Variants in TMEM181 observed in about 807,000 individuals in gnomAD.
TMEM181 encodes transmembrane protein 181, also known as G protein-coupled receptor 178.
A neutral mutation model predicts 71.9 loss-of-function variants in TMEM181; 39 were observed. The observed-to-expected ratio is 0.54, with a 90% CI of 0.42 to 0.71. The LOEUF is 0.71. TMEM181 is among the 30% of genes least tolerant of loss of function. The pLI, the probability that TMEM181 is intolerant of heterozygous loss-of-function variation, is 0.00. For missense variants in TMEM181, 595 were observed against 583.0 expected (o/e 1.02, Z -0.21); for synonymous variants, 245 against 228.8 (o/e 1.07, Z -0.64).
chr6:158,550,980 T>TA (rs34777731), intron 1 of TMEM181, among the ~76,000 whole-genome samples: 1 of 150,646 alleles, frequency 6.6e-6, no homozygotes, highest in Non-Finnish European at 1.5e-5. Flanking sequence ...TTTTTTTTTT[T>TA]AGACAGAGTT....
intron 1 of TMEM181, among the ~76,000 whole-genome samples, chr6:158,545,730 G>GAGTGC: frequency 6.6e-6 from 1 of 152,048 alleles, no homozygotes; most frequent in Admixed American, 6.6e-5. Flanking sequence ...GCCCAGGTTG[G>GAGTGC]AGTGCAGTGG....
intron 1 of TMEM181, among the ~76,000 whole-genome samples, chr6:158,570,256 G>A (rs1374011051): frequency 1.4e-5 from 2 of 146,006 alleles, no homozygotes; most frequent in Non-Finnish European, 3.0e-5. Context: ...TTTTTGAGAT[G>A]GAGTCTTGCT....
intron 6 of TMEM181, among the ~76,000 whole-genome samples, chr6:158,599,442 T>C (rs566827157): frequency 6.6e-6 from 1 of 152,396 alleles, no homozygotes; most frequent in South Asian, 2.1e-4. Flanking sequence ...GAGTGCCGAA[T>C]GACAGTGCTT....
At chr6:158,561,916 A>G (rs924642692) in intron 1 of TMEM181, among the ~76,000 whole-genome samples, 3 of 152,150 alleles carry the variant, frequency 2.0e-5, no homozygotes, top group African/African-American at 4.8e-5. Context: ...AAATCCTCCT[A>G]AAAAACAAGC....
intron 7 of TMEM181, 103 bp from the exon 8 acceptor site, chr6:158,607,141 C>A: frequency 1.1e-6 from 1 of 901,106 alleles, no homozygotes; most frequent in Non-Finnish European, 1.8e-6. Flanking sequence ...GCACCTAGAC[C>A]ATTGATTAGA....
At position 158,608,352 on chromosome 6, in the gene TMEM181, C is replaced by T. The variant is rs1368436603; in HGVS notation, c.693C>T (p.Ser231=). ...LLYNDPFFPL[S]FLVNSWLPGM... ...TTCCAGATCCGTTCTTCCCCCTCTC[C>T]TTCCTGGTCAACAGCTGGCTCCCAG... The change falls in exon 9 of 17, where the codon TCC becomes TCT. Residue 231 remains serine, a synonymous_variant. Coordinates refer to ENST00000684151, the MANE Select transcript of TMEM181 (RefSeq NM_001376852.1). 3.1e-6 allele frequency: 5 copies of T among 1,614,248 alleles called. No individual in the cohort carries two copies. The highest frequency in any genetic ancestry group is 1.1e-5 in the South Asian group (1 of 91,088).
intron 3 of TMEM181, among the ~76,000 whole-genome samples, chr6:158,583,524 G>A (rs900200017): frequency 1.3e-5 from 2 of 152,114 alleles, no homozygotes; most frequent in African/African-American, 2.4e-5. Context: ...CCTCATGGCC[G>A]GGCGCAGTGG....
upstream of TMEM181, among the ~76,000 whole-genome samples, chr6:158,557,219 A>G (rs1240836358): frequency 6.6e-6 from 1 of 152,160 alleles, no homozygotes; most frequent in African/African-American, 2.4e-5. Flanking sequence ...TACAAAAAAT[A>G]CAAAATTAGC....
At chr6:158,585,217 C>G (rs1783698401) in intron 4 of TMEM181, 87 bp from the exon 5 acceptor site, 2 of 1,431,530 alleles carry the variant, frequency 1.4e-6, no homozygotes, top group Admixed American at 2.6e-5. Flanking sequence ...TTTCCTGGCT[C>G]CAAGGTCATT....
chr6:158,631,577 C>T (rs1786667212), intron 16 of TMEM181, among the ~76,000 whole-genome samples, 188 bp downstream of exon 16: 1 of 152,180 alleles, frequency 6.6e-6, no homozygotes, highest in Non-Finnish European at 1.5e-5. Context: ...GTCCTTTCTG[C>T]TGGCTACCTG....
chr6:158,588,890 A>AG (rs1374535189), intron 5 of TMEM181, among the ~76,000 whole-genome samples: 1 of 152,354 alleles, frequency 6.6e-6, no homozygotes, highest in African/African-American at 2.4e-5. Context: ...GGGCAGCAGC[A>AG]GGATGGTGGA....
At chr6:158,580,078 C>T (rs1783387810) in intron 2 of TMEM181, among the ~76,000 whole-genome samples, 5 of 152,162 alleles carry the variant, frequency 3.3e-5, no homozygotes, top group Admixed American at 3.3e-4. Context: ...CGCCTGTAAT[C>T]CCGGCACTTT....
intron 1 of TMEM181, among the ~76,000 whole-genome samples, chr6:158,570,917 T>C (rs1037728785): frequency 2.0e-5 from 3 of 150,054 alleles, no homozygotes; most frequent in South Asian, 2.1e-4. Flanking sequence ...GTTTGTTAGG[T>C]TGGTTTTTTT....
At chr6:158,593,335 C>T (rs1214948203) in intron 6 of TMEM181, among the ~76,000 whole-genome samples, 3 of 152,126 alleles carry the variant, frequency 2.0e-5, no homozygotes, top group East Asian at 3.8e-4. Context: ...GAAAACTAGA[C>T]GTCTAGAAGG....
chr6:158,549,143 G>A (rs1259562224), intron 1 of TMEM181, among the ~76,000 whole-genome samples: 3 of 138,628 alleles, frequency 2.2e-5, no homozygotes, highest in East Asian at 4.3e-4. Flanking sequence ...TTTGAGACAG[G>A]GTCTCTCTCT....
chr6:158,536,833 C>T (rs1234570131), exon 1 of TMEM181: 6 of 1,540,422 alleles, frequency 3.9e-6, no homozygotes, highest in South Asian at 1.2e-5. Context: ...TCAAGGAGGA[C>T]CTCACGCCCT....
chr6:158,580,838 T>A lies in TMEM181; in HGVS notation c.113-102T>A. 4.9e-6 allele frequency: 5 copies of A among 1,025,020 alleles called. No homozygotes were observed. In the South Asian group the frequency reaches 8.0e-5, roughly 16 times the overall value. The allele number at this position is 1,025,020 out of a possible 1,614,324, so 63.5% of individuals were successfully genotyped here. A position where few individuals can be genotyped will look rare whatever the true frequency, so the allele number is the denominator to read the frequency against. ...TAAAGAAAAACCAGGTGAATTAAGG[T>A]CATCTCCGTGTAATGTGTGAGTCTT... On this transcript the variant is annotated intron_variant, in intron 2 of 16. Coordinates refer to ENST00000684151, the MANE Select transcript of TMEM181 (RefSeq NM_001376852.1).
At chr6:158,603,166 C>T (rs755948288) in intron 6 of TMEM181, among the ~76,000 whole-genome samples, 6 of 152,136 alleles carry the variant, frequency 3.9e-5, no homozygotes, top group Non-Finnish European at 5.9e-5. Context: ...TCCTTCTGGT[C>T]CCCTGACCTC....
rs1032194993 is a variant in TMEM181 at position 158,605,270 on chromosome 6, A to T, written c.496A>T (p.Lys166Ter). 1 of 1,613,682 alleles carries T rather than the reference A, an allele frequency of 6.2e-7. No homozygotes were observed. The highest frequency in any genetic ancestry group is 8.5e-7 in the Non-Finnish European group (1 of 1,179,810). Reference sequence around the variant, plus strand: ...TTTTCTCCACTTTCTATTTTAGTGGAAGACTTATAACCCTGCCTTCTCCCG... The same window carrying T: ...TTTTCTCCACTTTCTATTTTAGTGGTAGACTTATAACCCTGCCTTCTCCCG... ...LPIKGMNFTW[K>*]TYNPAFSRLE... Residue 166 changes from lysine (K) to a stop codon, truncating the protein, a stop_gained, in exon 7 of 17, where the codon AAG becomes TAG. Coordinates refer to ENST00000684151, the MANE Select transcript of TMEM181 (RefSeq NM_001376852.1). LOFTEE classifies it high-confidence loss of function.
Sources: allele counts gnomAD v4.1 joint callset (sites outside exome capture counted in the v4.1 genomes callset), GRCh38; gene constraint gnomAD v4.1.1; transcripts MANE v1.5; gene names NCBI Gene and HGNC (gene_info 2026-07-23, HGNC 2026-07-21).